Variants in HNRNPC observed in about 807,000 individuals in gnomAD.
HNRNPC encodes heterogeneous nuclear ribonucleoprotein C.
A neutral mutation model predicts 33.2 loss-of-function variants in HNRNPC; 3 were observed. The observed-to-expected ratio is 0.09, with a 90% confidence interval of 0.04 to 0.23. The LOEUF (loss-of-function observed/expected upper bound fraction) is 0.23. Ranked by LOEUF, HNRNPC falls within the 10% of genes least tolerant of loss-of-function variation. The pLI is 1.00. For missense variants in HNRNPC, 143 were observed against 366.7 expected, an observed-to-expected ratio of 0.39 and a Z score of 4.98; for synonymous variants, 121 against 126.7, an observed-to-expected ratio of 0.96 and a Z score of 0.30.
At chr14:21,239,440 C>A (rs937439299) in intron 2 of HNRNPC, among the ~76,000 whole-genome samples, 1 of 152,006 alleles carries the variant, frequency 6.6e-6, no homozygotes, top group Non-Finnish European at 1.5e-5. Flanking sequence ...GATAGCGCCA[C>A]TGCACTCCAG....
intron 2 of HNRNPC, among the ~76,000 whole-genome samples, chr14:21,238,911 C>G (rs924645278): frequency 2.0e-5 from 3 of 152,008 alleles, no homozygotes; most frequent in Admixed American, 1.3e-4. Flanking sequence ...CAGTTCACAT[C>G]AGGTCAGGAG....
intron 5 of HNRNPC, among the ~76,000 whole-genome samples, chr14:21,226,297 C>A (rs376812470): frequency 2.1e-5 from 3 of 145,210 alleles, no homozygotes; most frequent in African/African-American, 7.7e-5. Flanking sequence ...CACTCCAGCC[C>A]GGGAGACAGC....
At chr14:21,233,896 A>T in intron 3 of HNRNPC, 57 bp downstream of exon 3, 1 of 1,578,740 alleles carries the variant, frequency 6.3e-7, no homozygotes, top group South Asian at 1.2e-5. Flanking sequence ...ACAAAAAAAA[A>T]ACGTGAATAG....
intron 5 of HNRNPC, among the ~76,000 whole-genome samples, chr14:21,225,994 T>C (rs535932734): frequency 6.6e-6 from 1 of 152,172 alleles, no homozygotes; most frequent in East Asian, 1.9e-4. Context: ...TCAAGACTTT[T>C]ATGAGAATTT....
chr14:21,226,126 G>A (rs893688222), intron 5 of HNRNPC, among the ~76,000 whole-genome samples: 9 of 151,896 alleles, frequency 5.9e-5, no homozygotes, highest in Admixed American at 5.2e-4. Context: ...TTTGAGACCA[G>A]TCTGGCCAAC....
chr14:21,241,361 T>A (rs1283365665), intron 2 of HNRNPC, among the ~76,000 whole-genome samples: 1 of 151,966 alleles, frequency 6.6e-6, no homozygotes, highest in East Asian at 1.9e-4. Context: ...AAATATGCTA[T>A]ATATGTAAAA....
intron 5 of HNRNPC, among the ~76,000 whole-genome samples, chr14:21,225,910 A>C (rs985694566): frequency 6.6e-6 from 1 of 152,162 alleles, no homozygotes; most frequent in Non-Finnish European, 1.5e-5. Flanking sequence ...AAATATATCT[A>C]GTTTATATCT....
intron 1 of HNRNPC, among the ~76,000 whole-genome samples, chr14:21,267,930 T>C (rs2139086572): frequency 6.6e-6 from 1 of 152,352 alleles, no homozygotes; most frequent in South Asian, 2.1e-4. Flanking sequence ...GTTCCTGTAA[T>C]AATATACATG....
At chr14:21,213,658 C>A (rs1198396854) in intron 5 of HNRNPC, among the ~76,000 whole-genome samples, 11 of 152,196 alleles carry the variant, frequency 7.2e-5, no homozygotes, top group Non-Finnish European at 1.2e-4. Flanking sequence ...AATTTCAGAT[C>A]TATAAAATCA....
chr14:21,235,031 A>C (rs117165820), intron 2 of HNRNPC, among the ~76,000 whole-genome samples: 85 of 152,316 alleles, frequency 5.6e-4, no homozygotes, highest in Non-Finnish European at 1.1e-3. Flanking sequence ...TGGGGAATTA[A>C]AGAAAAATAC....
intron 2 of HNRNPC, among the ~76,000 whole-genome samples, chr14:21,258,556 A>AAACATG (rs1186695619): frequency 6.6e-6 from 1 of 152,158 alleles, no homozygotes; most frequent in African/African-American, 2.4e-5. Context: ...CTCACCTCTA[A>AAACATG]AACATGAATA....
intron 2 of HNRNPC, among the ~76,000 whole-genome samples, chr14:21,240,664 G>A (rs538872755): frequency 6.6e-6 from 1 of 152,232 alleles, no homozygotes; most frequent in African/African-American, 2.4e-5. Context: ...CAGGTCACAG[G>A]AGATAGGTGC....
intron 2 of HNRNPC, among the ~76,000 whole-genome samples, chr14:21,240,477 G>T (rs1236201622): frequency 3.3e-5 from 5 of 152,106 alleles, no homozygotes; most frequent in Admixed American, 3.3e-4. Context: ...CTTGGAAAAG[G>T]TACGGCAGTT....
At chr14:21,253,330 C>CA (rs1470519045) in intron 2 of HNRNPC, among the ~76,000 whole-genome samples, 1 of 141,830 alleles carries the variant, frequency 7.1e-6, no homozygotes, top group Non-Finnish European at 1.6e-5. Flanking sequence ...AAAAAAAATA[C>CA]AAAAAATTAG....
At position 21,210,313 on chromosome 14, in the gene HNRNPC, C is replaced by T. The variant is rs1378497002; in HGVS notation, c.*910G>A. On this transcript the variant is annotated 3_prime_UTR_variant, in exon 9 of 9. Transcript: ENST00000553300. ...AGGCAGAGAGGATATACTTCCCAAA[C>T]TTTCATTAGGATGTAAAAGCCATTT... is the stretch of plus-strand genomic sequence containing the variant. 3 of 152,180 alleles carry T rather than the reference C, an allele frequency of 2.0e-5. No homozygotes were observed. The highest frequency in any genetic ancestry group is 2.9e-5 in the Non-Finnish European group (2 of 68,046). The allele number at this position is 152,180 out of a possible 1,614,324, so 9.4% of individuals were successfully genotyped here.
intron 5 of HNRNPC, among the ~76,000 whole-genome samples, chr14:21,222,850 C>T (rs1173345624): frequency 2.0e-5 from 3 of 151,942 alleles, no homozygotes; most frequent in Non-Finnish European, 4.4e-5. Flanking sequence ...GCCGAGATCA[C>T]GCCACTGCAC....
rs1891493431 is a variant in HNRNPC at position 21,210,555 on chromosome 14, T to TC, written c.*667dup. 1 of 152,420 alleles carries TC rather than the reference T, an allele frequency of 6.6e-6. No homozygotes were observed. Among genetic ancestry groups the TC allele is most frequent in the South Asian group, 2.1e-4 (1 of 4,830 alleles). The allele number at this position is 152,420 out of a possible 1,614,324, so 9.4% of individuals were successfully genotyped here. On this transcript the variant is annotated 3_prime_UTR_variant, in exon 9 of 9. Coordinates refer to ENST00000553300, the MANE Select transcript of HNRNPC (RefSeq NM_004500.4). ...AAATAAAAAACCAGGGTTTTTTTTT[T>TC]CTCCAAATTCCTGGTTTAATAAGGA...
At chr14:21,241,063 G>A (rs1161464763) in intron 2 of HNRNPC, among the ~76,000 whole-genome samples, 1 of 152,082 alleles carries the variant, frequency 6.6e-6, no homozygotes, top group African/African-American at 2.4e-5. Flanking sequence ...GAGGTCACGA[G>A]TTCAAAACCA....
intron 5 of HNRNPC, chr14:21,213,550 T>A (rs1412511043): frequency 6.3e-6 from 1 of 158,598 alleles, no homozygotes; most frequent in African/African-American, 2.4e-5. Flanking sequence ...AAAGGGTATA[T>A]AAACAGTGGT....
Sources: allele counts gnomAD v4.1 joint callset (sites outside exome capture counted in the v4.1 genomes callset), GRCh38; gene constraint gnomAD v4.1.1; transcripts MANE v1.5; gene names NCBI Gene and HGNC (gene_info 2026-07-23, HGNC 2026-07-21).